The following JARID2 variants were observed in gnomAD, a reference collection of about 807,000 sequenced individuals.
JARID2 encodes the protein protein Jumonji.
Under a neutral mutation model 125.6 loss-of-function variants are expected in JARID2, and 21 were observed. The ratio of observed to expected loss-of-function variants is 0.17; its 90% CI spans 0.12 to 0.24. The LOEUF (loss-of-function observed/expected upper bound fraction) is 0.24, where lower values mean the gene tolerates loss of function less well. Ranked by LOEUF, JARID2 falls within the 10% of genes least tolerant of loss-of-function variation. The pLI, the probability that JARID2 is intolerant of heterozygous loss-of-function variation, is 1.00. For synonymous variants in JARID2, 736 were observed against 661.6 expected (o/e 1.11, Z -1.73); for missense variants, 1,303 against 1,639.6 (o/e 0.79, Z 3.55).
chr6:15,435,460 G>A (rs1767162177), intron 3 of JARID2, among the ~76,000 whole-genome samples: 1 of 152,208 alleles, frequency 6.6e-6, no homozygotes, highest in Admixed American at 6.5e-5. Flanking sequence ...TTTAGGGCTT[G>A]GAGGGTGGTA....
intron 1 of JARID2, among the ~76,000 whole-genome samples, chr6:15,353,717 C>G (rs1158475183): frequency 6.6e-6 from 1 of 152,104 alleles, no homozygotes; most frequent in African/African-American, 2.4e-5. Context: ...ACTCCTTCTA[C>G]CTCTTCAGGA....
Position 15,410,213 on chromosome 6 carries a change from C to G in JARID2, c.182-11C>G. On this transcript the variant is annotated splice_polypyrimidine_tract_variant and intron_variant, in intron 2 of 17. Coordinates refer to ENST00000341776, the MANE Select transcript of JARID2 (RefSeq NM_004973.4). ...TGTATTTAAGTGTTTGTCCCCTTTT[C>G]TCACCTGTAGGGCTCCTTGGTAATG... 6.2e-7 allele frequency: 1 copy of G among 1,611,330 alleles called. No homozygotes were observed. The highest frequency in any genetic ancestry group is 8.5e-7 in the Non-Finnish European group (1 of 1,178,078).
At chr6:15,313,920 A>G (rs1159761648) in intron 1 of JARID2, among the ~76,000 whole-genome samples, 3 of 152,142 alleles carry the variant, frequency 2.0e-5, no homozygotes, top group Non-Finnish European at 4.4e-5. Flanking sequence ...CTCCCCAAAT[A>G]TCCTTATACC....
intron 6 of JARID2, among the ~76,000 whole-genome samples, chr6:15,488,167 C>T (rs1769975190): frequency 6.6e-6 from 1 of 152,188 alleles, no homozygotes; most frequent in African/African-American, 2.4e-5. Flanking sequence ...CCCGCTATCC[C>T]CCAACAGGGC....
intron 3 of JARID2, among the ~76,000 whole-genome samples, chr6:15,448,547 G>A (rs767595787): frequency 6.6e-6 from 1 of 152,140 alleles, no homozygotes; most frequent in Non-Finnish European, 1.5e-5. Flanking sequence ...TGCGATTTGC[G>A]TCCATTCAAA....
intron 3 of JARID2, among the ~76,000 whole-genome samples, chr6:15,434,380 C>G (rs956068072): frequency 2.0e-5 from 3 of 152,002 alleles, no homozygotes; most frequent in Admixed American, 6.6e-5. Flanking sequence ...AGATAGATTA[C>G]GAGGAGCCAG....
At chr6:15,470,200 GAA>G (rs899455849) in intron 5 of JARID2, among the ~76,000 whole-genome samples, 18 of 149,992 alleles carry the variant, frequency 1.2e-4, no homozygotes, top group Admixed American at 6.0e-4. Context: ...AAGTAGGAAA[GAA>G]AGAGGAGGGA....
intron 1 of JARID2, among the ~76,000 whole-genome samples, chr6:15,322,907 C>G (rs1442509116): frequency 6.6e-6 from 1 of 152,124 alleles, no homozygotes; most frequent in Non-Finnish European, 1.5e-5. Context: ...TAGGCATAAC[C>G]ATAATATAAA....
chr6:15,249,518 C>T (rs1159017102), intron 1 of JARID2, among the ~76,000 whole-genome samples: 1 of 152,178 alleles, frequency 6.6e-6, no homozygotes, highest in African/African-American at 2.4e-5. Flanking sequence ...TCTGTTTTCT[C>T]TTTTGTAAAA....
intron 1 of JARID2, among the ~76,000 whole-genome samples, chr6:15,277,743 A>C (rs1412462359): frequency 6.7e-6 from 1 of 149,872 alleles, no homozygotes; most frequent in Non-Finnish European, 1.5e-5. Flanking sequence ...ACAGCTTTCT[A>C]TTTGTCGTAA....
At chr6:15,284,153 T>A (rs181371039) in intron 1 of JARID2, among the ~76,000 whole-genome samples, 3 of 152,312 alleles carry the variant, frequency 2.0e-5, no homozygotes, top group Non-Finnish European at 4.4e-5. Flanking sequence ...TGAGAAATTA[T>A]CTTTCTTTTT....
chr6:15,455,802 A>G (rs534827480), intron 4 of JARID2, among the ~76,000 whole-genome samples: 1 of 152,358 alleles, frequency 6.6e-6, no homozygotes, highest in East Asian at 1.9e-4. Context: ...TGCTGGGATT[A>G]CAGGCATGAG....
At chr6:15,476,828 A>C (rs563880963) in intron 5 of JARID2, among the ~76,000 whole-genome samples, 91 of 152,324 alleles carry the variant, frequency 6.0e-4, no homozygotes, top group African/African-American at 2.1e-3. Context: ...TTTATATTAC[A>C]AGTTGATATT....
chr6:15,467,849 T>G (rs1232310590), intron 4 of JARID2, among the ~76,000 whole-genome samples: 2 of 152,190 alleles, frequency 1.3e-5, no homozygotes, highest in East Asian at 3.9e-4. Flanking sequence ...TTTGTTACTT[T>G]AAAATCCGGA....
intron 3 of JARID2, among the ~76,000 whole-genome samples, chr6:15,428,082 G>A (rs1397509029): frequency 6.6e-6 from 1 of 152,084 alleles, no homozygotes; most frequent in Non-Finnish European, 1.5e-5. Flanking sequence ...GGTGATGAAA[G>A]GCAGCAACCA....
intron 1 of JARID2, among the ~76,000 whole-genome samples, chr6:15,371,331 A>G (rs1026664489): frequency 1.3e-5 from 2 of 152,242 alleles, no homozygotes; most frequent in African/African-American, 4.8e-5. Context: ...TTGGGGCCTT[A>G]TAATTTATAA....
chr6:15,249,549 C>T (rs1759356252), intron 1 of JARID2, among the ~76,000 whole-genome samples: 1 of 152,118 alleles, frequency 6.6e-6, no homozygotes, highest in Admixed American at 6.5e-5. Flanking sequence ...CCTGCCATTG[C>T]CACTTAACTA....
chr6:15,337,958 T>C (rs1479984520), intron 1 of JARID2, among the ~76,000 whole-genome samples: 4 of 152,098 alleles, frequency 2.6e-5, no homozygotes, highest in Admixed American at 2.0e-4. Context: ...ACAGGCACAA[T>C]GTAAATAGGA....
At chr6:15,411,369 T>C (rs1245168812) in intron 3 of JARID2, among the ~76,000 whole-genome samples, 1 of 152,252 alleles carries the variant, frequency 6.6e-6, no homozygotes, top group African/African-American at 2.4e-5. Context: ...AAAGTTGAGA[T>C]GCATAGCTCA....
Sources: gnomAD v4.1 joint callset for allele counts (sites outside exome capture counted in the v4.1 genomes callset) on GRCh38, gnomAD v4.1.1 for gene constraint, MANE v1.5 for transcripts, NCBI Gene and HGNC (gene_info 2026-07-23, HGNC 2026-07-21) for gene names.